Variants in CSMD1 observed in about 807,000 individuals in gnomAD.
CSMD1 encodes CUB and Sushi multiple domains 1, also known as CUB and sushi domain-containing protein 1.
CSMD1 carries 213 observed loss-of-function variants against 417.5 expected under a neutral mutation model. That is an observed-to-expected ratio of 0.51 (90% CI 0.46 to 0.57). The LOEUF is 0.57. CSMD1 is among the 20% of genes least tolerant of loss of function. The pLI, the probability that CSMD1 is intolerant of heterozygous loss-of-function variation, is 0.00. For synonymous variants in CSMD1, 2,862 were observed against 1,736.8 expected (o/e 1.65, Z -16.11); for missense variants, 6,923 against 4,529.7 (o/e 1.53, Z -15.17).
At chr8:4,936,085 G>T (rs1010071115) in intron 1 of CSMD1, among the ~76,000 whole-genome samples, 4 of 152,186 alleles carry the variant, frequency 2.6e-5, no homozygotes, top group Non-Finnish European at 4.4e-5. Flanking sequence ...ATCATCATAG[G>T]CAAGGAGTGG....
At chr8:2,950,722 A>G (rs943916593) in intron 66 of CSMD1, among the ~76,000 whole-genome samples, 2 of 152,194 alleles carry the variant, frequency 1.3e-5, no homozygotes, top group Admixed American at 1.3e-4. Context: ...AGTGCTTAAA[A>G]TAGTGTTTGC....
intron 25 of CSMD1, among the ~76,000 whole-genome samples, chr8:3,307,344 C>A (rs570715125): frequency 1.3e-5 from 2 of 152,102 alleles, no homozygotes; most frequent in African/African-American, 4.8e-5. Flanking sequence ...TAAGGAAGGT[C>A]ATCCTGGACT....
At chr8:3,887,907 G>A (rs1245618622) in intron 5 of CSMD1, among the ~76,000 whole-genome samples, 1 of 152,140 alleles carries the variant, frequency 6.6e-6, no homozygotes, top group East Asian at 1.9e-4. Context: ...AAACTCAGTT[G>A]ACATCAATTA....
intron 52 of CSMD1, among the ~76,000 whole-genome samples, chr8:3,013,887 G>C (rs1808616667): frequency 6.6e-6 from 1 of 152,040 alleles, no homozygotes; most frequent in Admixed American, 6.6e-5. Flanking sequence ...GGGATTCCTG[G>C]GCGAACAGAG....
chr8:3,830,054 C>G (rs1563122928), intron 5 of CSMD1, among the ~76,000 whole-genome samples: 1 of 152,090 alleles, frequency 6.6e-6, no homozygotes, highest in East Asian at 1.9e-4. Flanking sequence ...ACTTTTTGGG[C>G]TGACTTTTGA....
At chr8:3,114,670 A>G (rs1816747130) in intron 42 of CSMD1, among the ~76,000 whole-genome samples, 1 of 152,044 alleles carries the variant, frequency 6.6e-6, no homozygotes, top group African/African-American at 2.4e-5. Flanking sequence ...GTATTTGTGA[A>G]TGCAGGTAAG....
rs994257089 is a variant in CSMD1 at position 4,342,267 on chromosome 8, G to C, written c.415+77686C>G. ...TGTGTGTGTCTCTGTATGTGTGTGT[G>C]TAGAGGGATATTTAAACCACAAGCC... On this transcript the variant is annotated intron_variant, in intron 3 of 69. Coordinates refer to ENST00000635120, the MANE Select transcript of CSMD1 (RefSeq NM_033225.6). 3.4e-5 allele frequency among the ~76,000 whole-genome samples: 5 copies of C among 145,114 alleles called. No individual in the cohort carries two copies. In the Admixed American group the frequency reaches 3.5e-4, roughly 10 times the overall value.
chr8:4,192,831 A>T (rs1280493421), intron 3 of CSMD1, among the ~76,000 whole-genome samples: 1 of 152,190 alleles, frequency 6.6e-6, no homozygotes, highest in East Asian at 1.9e-4. Context: ...GGTAAACGCT[A>T]TTAAGCCCAA....
intron 3 of CSMD1, among the ~76,000 whole-genome samples, chr8:4,374,864 T>C (rs549893111): frequency 1.0e-4 from 15 of 146,270 alleles, no homozygotes; most frequent in Non-Finnish European, 2.2e-4. Context: ...TAGGGGCTAA[T>C]TAAACACAGG....
At chr8:4,199,478 G>A (rs550144486) in intron 3 of CSMD1, among the ~76,000 whole-genome samples, 2 of 152,228 alleles carry the variant, frequency 1.3e-5, no homozygotes, top group South Asian at 4.1e-4. Flanking sequence ...CAATTAAAAA[G>A]GCAAATAGGA....
chr8:2,947,236 T>G (rs1306656960), intron 68 of CSMD1, among the ~76,000 whole-genome samples: 1 of 152,194 alleles, frequency 6.6e-6, no homozygotes, highest in Non-Finnish European at 1.5e-5. Context: ...CTTACGCAAG[T>G]TTTTGCATTA....
At chr8:4,405,678 C>G (rs1360452481) in intron 3 of CSMD1, among the ~76,000 whole-genome samples, 1 of 152,218 alleles carries the variant, frequency 6.6e-6, no homozygotes, top group Non-Finnish European at 1.5e-5. Context: ...TCACTCATCG[C>G]TAAGCTCCAT....
At chr8:4,169,850 C>T (rs774397538) in intron 3 of CSMD1, among the ~76,000 whole-genome samples, 7 of 152,064 alleles carry the variant, frequency 4.6e-5, no homozygotes, top group Non-Finnish European at 8.8e-5. Flanking sequence ...CCATAGCATG[C>T]GTCATCATTT....
At chr8:3,167,973 T>C (rs10503197) in intron 37 of CSMD1, among the ~76,000 whole-genome samples, 8,427 of 152,128 alleles carry the variant, frequency 0.055, 359 homozygotes, top group East Asian at 0.2. Flanking sequence ...TTTGTAGATA[T>C]TATGAACTGA....
At chr8:3,186,617 G>C (rs1161773139) in intron 36 of CSMD1, among the ~76,000 whole-genome samples, 1 of 152,104 alleles carries the variant, frequency 6.6e-6, no homozygotes, top group African/African-American at 2.4e-5. Flanking sequence ...TTTTCTTTAT[G>C]TTTTTTAACC....
intron 5 of CSMD1, among the ~76,000 whole-genome samples, chr8:3,817,443 G>C (rs899357045): frequency 5.3e-5 from 8 of 151,702 alleles, no homozygotes; most frequent in Non-Finnish European, 7.4e-5. Flanking sequence ...AACATTCCCA[G>C]CTCATTTTTG....
chr8:3,968,207 A>ATAG (rs1491165991), intron 5 of CSMD1, among the ~76,000 whole-genome samples: 6 of 151,616 alleles, frequency 4.0e-5, no homozygotes, highest in Non-Finnish European at 8.8e-5. Flanking sequence ...AATAATAATA[A>ATAG]TAAATAATAA....
At chr8:4,357,110 G>A (rs1167510424) in intron 3 of CSMD1, among the ~76,000 whole-genome samples, 2 of 152,158 alleles carry the variant, frequency 1.3e-5, no homozygotes, top group South Asian at 4.1e-4. Context: ...TTACAACTCT[G>A]AATTGGTCAT....
chr8:4,686,424 C>G (rs1406172190), intron 1 of CSMD1, among the ~76,000 whole-genome samples: 1 of 152,208 alleles, frequency 6.6e-6, no homozygotes, highest in Non-Finnish European at 1.5e-5. Context: ...TTGCTCTTCT[C>G]CCCCGATGTA....
Sources: gnomAD v4.1 joint callset for allele counts (sites outside exome capture counted in the v4.1 genomes callset) on GRCh38, gnomAD v4.1.1 for gene constraint, MANE v1.5 for transcripts, NCBI Gene and HGNC (gene_info 2026-07-23, HGNC 2026-07-21) for gene names.